Variants in NAALADL2 observed in about 807,000 individuals in gnomAD.
NAALADL2 encodes the protein N-acetylated alpha-linked acidic dipeptidase like 2, also known as inactive N-acetylated-alpha-linked acidic dipeptidase-like protein 2.
A neutral mutation model predicts 87.2 loss-of-function variants in NAALADL2; 76 were observed. The ratio of observed to expected loss-of-function variants is 0.87; its 90% CI spans 0.72 to 1.05. The LOEUF (loss-of-function observed/expected upper bound fraction) is 1.05, where lower values mean the gene tolerates loss of function less well. Among genes scored for constraint, NAALADL2 ranks in the 50% least tolerant of loss-of-function variants. NAALADL2 has a pLI of 0.00. For synonymous variants in NAALADL2, 354 were observed against 331.0 expected (o/e 1.07, Z -0.75); for missense variants, 1,089 against 945.8 (o/e 1.15, Z -1.99).
chr3:174,457,554 G>A (rs1715924299), intron 1 of NAALADL2, among the ~76,000 whole-genome samples: 3 of 152,118 alleles, frequency 2.0e-5, no homozygotes, highest in Admixed American at 6.5e-5. Flanking sequence ...ATCCGGGCAC[G>A]GAGGCTCATG....
At chr3:174,683,717 A>T (rs1047206848) in intron 2 of NAALADL2, among the ~76,000 whole-genome samples, 2 of 66,532 alleles carry the variant, frequency 3.0e-5, no homozygotes, top group Non-Finnish European at 3.0e-5. Flanking sequence ...CTTGCCCTGC[A>T]AAATATAAGA....
rs145179939 is a variant in NAALADL2 at position 175,176,297 on chromosome 3, C to T, written c.546-57634C>T. Among the ~76,000 whole-genome samples the T allele has an allele frequency of 3.9e-5, 6 of 151,974 alleles. No individual in the cohort carries two copies. The East Asian group carries it at 1.2e-3, about 29-fold the overall frequency. ...TCATTATTATGTGATAATAGCAACA[C>T]TTGGTTTACTAAATAGAATCAAAAT... is the stretch of plus-strand genomic sequence containing the variant. On this transcript the variant is annotated intron_variant, in intron 2 of 13. Transcript: ENST00000454872.
chr3:174,482,966 A>G (rs1717650065), intron 1 of NAALADL2, among the ~76,000 whole-genome samples: 1 of 152,020 alleles, frequency 6.6e-6, no homozygotes, highest in South Asian at 2.1e-4. Context: ...GATGTGTTAA[A>G]GTGATAATTT....
chr3:174,974,608 A>G (rs1273773446), intron 1 of NAALADL2, among the ~76,000 whole-genome samples: 3 of 152,332 alleles, frequency 2.0e-5, no homozygotes, highest in Non-Finnish European at 2.9e-5. Flanking sequence ...GGCTCCTAGA[A>G]TGTATGCTAC....
intron 9 of NAALADL2, among the ~76,000 whole-genome samples, chr3:175,493,453 CAT>C (rs1378114231): frequency 2.0e-5 from 3 of 152,102 alleles, no homozygotes; most frequent in Non-Finnish European, 4.4e-5. Flanking sequence ...ATCTCTTACA[CAT>C]GTTAACTATT....
intron 1 of NAALADL2, among the ~76,000 whole-genome samples, chr3:175,010,158 T>C (rs1193601536): frequency 6.6e-6 from 1 of 152,140 alleles, no homozygotes; most frequent in Non-Finnish European, 1.5e-5. Flanking sequence ...CAGTTTTAAC[T>C]TGGCCAATAA....
chr3:175,025,869 G>A (rs1752155041), intron 1 of NAALADL2, among the ~76,000 whole-genome samples: 1 of 152,060 alleles, frequency 6.6e-6, no homozygotes, highest in Admixed American at 6.6e-5. Flanking sequence ...GAGTGCAGTG[G>A]CGTGATCTTA....
intron 10 of NAALADL2, among the ~76,000 whole-genome samples, chr3:175,619,225 G>GAGAAAGAA (rs773875464): frequency 9.3e-6 from 1 of 107,924 alleles, no homozygotes; most frequent in Non-Finnish European, 2.0e-5. Flanking sequence ...GAGAGAAAGA[G>GAGAAAGAA]AGAAAGAAAG....
chr3:174,559,365 T>C (rs933559393), intron 2 of NAALADL2, among the ~76,000 whole-genome samples: 6 of 152,190 alleles, frequency 3.9e-5, no homozygotes, highest in African/African-American at 1.2e-4. Context: ...AGAAGGAATT[T>C]GCAAGACAAT....
chr3:174,995,099 A>G (rs1000293753), intron 1 of NAALADL2, among the ~76,000 whole-genome samples: 7 of 152,100 alleles, frequency 4.6e-5, no homozygotes, highest in Non-Finnish European at 7.4e-5. Flanking sequence ...AAAAAGGCAG[A>G]AGAGATAAAA....
intron 1 of NAALADL2, among the ~76,000 whole-genome samples, chr3:175,006,747 A>G (rs1313398008): frequency 1.3e-5 from 2 of 151,736 alleles, no homozygotes; most frequent in Non-Finnish European, 2.9e-5. Flanking sequence ...GAAAGATAGG[A>G]TGTAGTTTCT....
chr3:175,284,832 T>A (rs1243961878), intron 4 of NAALADL2, among the ~76,000 whole-genome samples: 1 of 152,146 alleles, frequency 6.6e-6, no homozygotes, highest in Non-Finnish European at 1.5e-5. Context: ...TGGTCTTAGA[T>A]GATTGAATAA....
chr3:175,224,546 T>G (rs1016353812), intron 2 of NAALADL2, among the ~76,000 whole-genome samples: 2 of 152,046 alleles, frequency 1.3e-5, no homozygotes, highest in African/African-American at 4.8e-5. Flanking sequence ...CTCTCCATCC[T>G]CCTCTTCCCA....
intron 3 of NAALADL2, among the ~76,000 whole-genome samples, chr3:175,253,845 G>T (rs1484239657): frequency 6.6e-6 from 1 of 152,128 alleles, no homozygotes; most frequent in African/African-American, 2.4e-5. Flanking sequence ...AAGGAAACTA[G>T]AATTTGAAGT....
intron 1 of NAALADL2, among the ~76,000 whole-genome samples, chr3:174,982,276 ATAGT>A (rs1013035474): frequency 4.6e-5 from 7 of 152,170 alleles, no homozygotes; most frequent in Non-Finnish European, 8.8e-5. Context: ...CTTGTGCTAG[ATAGT>A]TGGGAACACA....
intron 2 of NAALADL2, among the ~76,000 whole-genome samples, chr3:174,639,931 T>G (rs947407896): frequency 1.3e-5 from 2 of 152,174 alleles, no homozygotes; most frequent in African/African-American, 4.8e-5. Context: ...TTTGCGTCAT[T>G]TTTTTCTGCT....
At chr3:175,244,683 C>T (rs1185463897) in intron 3 of NAALADL2, among the ~76,000 whole-genome samples, 1 of 152,170 alleles carries the variant, frequency 6.6e-6, no homozygotes, top group East Asian at 1.9e-4. Context: ...TACAGTTCCT[C>T]ATTCCTTCAA....
intron 4 of NAALADL2, among the ~76,000 whole-genome samples, chr3:175,316,418 C>A (rs886174627): frequency 1.3e-5 from 2 of 152,080 alleles, no homozygotes; most frequent in Non-Finnish European, 2.9e-5. Context: ...GTGGTTATGT[C>A]GTTGAGCATG....
chr3:175,499,191 T>G (rs917956160), intron 9 of NAALADL2, among the ~76,000 whole-genome samples: 1 of 152,102 alleles, frequency 6.6e-6, no homozygotes, highest in African/African-American at 2.4e-5. Context: ...CAAAGGGCCT[T>G]AGTGCAATGA....
Sources: allele counts gnomAD v4.1 joint callset (sites outside exome capture counted in the v4.1 genomes callset), GRCh38; gene constraint gnomAD v4.1.1; transcripts MANE v1.5; gene names NCBI Gene and HGNC (gene_info 2026-07-23, HGNC 2026-07-21).